CUL2: variants seen among roughly 807,000 people sequenced by gnomAD.
The protein encoded by CUL2 is cullin 2.
CUL2 carries 22 observed loss-of-function variants against 110.2 expected under a neutral mutation model. The ratio of observed to expected loss-of-function variants is 0.20; its 90% CI spans 0.14 to 0.28. CUL2 has a LOEUF of 0.28. CUL2 is among the 10% of genes least tolerant of loss of function. The pLI is 1.00. For missense variants in CUL2, 631 were observed against 905.5 expected, an observed-to-expected ratio of 0.70 and a Z score of 3.89; for synonymous variants, 279 against 293.2, an observed-to-expected ratio of 0.95 and a Z score of 0.49.
At chr10:35,103,948 A>C (rs2087421831) in intron 1 of CUL2, among the ~76,000 whole-genome samples, 1 of 152,344 alleles carries the variant, frequency 6.6e-6, no homozygotes, top group Non-Finnish European at 1.5e-5. Context: ...AGAATGTAAA[A>C]ATGCAAATAA....
At chr10:35,094,528 C>T (rs974081597), upstream of CUL2, among the ~76,000 whole-genome samples, 3 of 152,160 alleles carry the variant, frequency 2.0e-5, no homozygotes, top group Non-Finnish European at 2.9e-5. Context: ...AGCCACTGCA[C>T]CCAGCTAGAG....
intron 6 of CUL2, among the ~76,000 whole-genome samples, chr10:35,048,513 T>C (rs2086009270): frequency 6.6e-6 from 1 of 152,250 alleles, no homozygotes; most frequent in South Asian, 2.1e-4. Flanking sequence ...ATTGTCATTA[T>C]ACTTTTAAAT....
chr10:35,046,176 A>G (rs1242668947), intron 6 of CUL2, among the ~76,000 whole-genome samples: 1 of 152,194 alleles, frequency 6.6e-6, no homozygotes, highest in East Asian at 1.9e-4. Context: ...GAGAATCTTG[A>G]TATCTTGATA....
chr10:35,088,849 C>T lies in CUL2; in HGVS notation c.-23+1330G>A, dbSNP rs115774244. 7.9e-3 allele frequency among the ~76,000 whole-genome samples: 1,206 copies of T among 152,240 alleles called. 21 individuals are homozygous for T. Among genetic ancestry groups the T allele is most frequent in the African/African-American group, 0.027 (1,132 of 41,530 alleles). On this transcript the variant is annotated intron_variant, in intron 1 of 20. Coordinates refer to ENST00000374749, the MANE Select transcript of CUL2 (RefSeq NM_003591.4). ...GCACATTGTAGAAATGTTCCCCCAA[C>T]TCATAAACAGCAATTGAAAAAAACA...
chr10:35,024,503 CAA>C (rs895349918), intron 17 of CUL2, among the ~76,000 whole-genome samples: 16 of 151,914 alleles, frequency 1.1e-4, no homozygotes, highest in Non-Finnish European at 1.2e-4. Context: ...CATAGTTTAG[CAA>C]AAAAAGAGAA....
intron 12 of CUL2, 55 bp downstream of exon 12, chr10:35,032,380 C>T: frequency 7.0e-7 from 1 of 1,428,156 alleles, no homozygotes; most frequent in Non-Finnish European, 9.6e-7. Context: ...TCTGAGTTCT[C>T]ATTTTCTAAT....
chr10:35,050,861 T>C (rs952692965), intron 5 of CUL2, among the ~76,000 whole-genome samples: 1 of 152,266 alleles, frequency 6.6e-6, no homozygotes, highest in African/African-American at 2.4e-5. Flanking sequence ...GATCCTGTAC[T>C]GAACAATCAA....
chr10:35,064,087 C>A (rs2086456894), intron 2 of CUL2: 1 of 152,168 alleles, frequency 6.6e-6, no homozygotes, highest in African/African-American at 2.4e-5. Flanking sequence ...ATGACCACCA[C>A]CAAGTGTCTC....
chr10:35,063,542 A>G (rs2086437827), intron 2 of CUL2, among the ~76,000 whole-genome samples: 1 of 152,226 alleles, frequency 6.6e-6, no homozygotes, highest in Admixed American at 6.5e-5. Context: ...ACATCATAGC[A>G]GTCAGGATAC....
At chr10:35,069,592 G>A (rs1256181508) in intron 2 of CUL2, among the ~76,000 whole-genome samples, 1 of 151,410 alleles carries the variant, frequency 6.6e-6, no homozygotes. Flanking sequence ...ATATTAGATG[G>A]ACCAAACAAA....
intron 1 of CUL2, among the ~76,000 whole-genome samples, chr10:35,120,855 C>T (rs1349094172): frequency 6.6e-6 from 1 of 152,016 alleles, no homozygotes; most frequent in Non-Finnish European, 1.5e-5. Context: ...AAGATCATGC[C>T]ACTGCAATCC....
At chr10:35,021,720 C>T (rs919247905) in intron 17 of CUL2, among the ~76,000 whole-genome samples, 2 of 151,138 alleles carry the variant, frequency 1.3e-5, no homozygotes, top group African/African-American at 2.4e-5. Flanking sequence ...GCTGGGACTA[C>T]AGGGATCTCT....
intron 9 of CUL2, 132 bp downstream of exon 9, chr10:35,038,785 TTAA>T (rs2085700223): frequency 3.8e-6 from 2 of 531,064 alleles, no homozygotes; most frequent in Non-Finnish European, 6.3e-6. Context: ...AAATAAAGTA[TTAA>T]TAATCTGTAA....
intron 1 of CUL2, chr10:35,119,959 A>T (rs1013604645): frequency 6.6e-6 from 1 of 152,162 alleles, no homozygotes; most frequent in African/African-American, 2.4e-5. Flanking sequence ...TTGGCTCCAC[A>T]CATTAATATT....
chr10:35,052,328 G>A (rs1357426808), intron 5 of CUL2, among the ~76,000 whole-genome samples: 1 of 152,166 alleles, frequency 6.6e-6, no homozygotes, highest in African/African-American at 2.4e-5. Context: ...TGGTGGAAGG[G>A]CAAACTGGTA....
intron 1 of CUL2, chr10:35,079,495 T>C (rs1275931676): frequency 6.6e-6 from 1 of 152,668 alleles, no homozygotes; most frequent in Non-Finnish European, 1.5e-5. Context: ...AAGTGGAACT[T>C]GTCTCTGCTC....
At chr10:35,068,102 T>C (rs1589028712) in intron 2 of CUL2, among the ~76,000 whole-genome samples, 1 of 118,062 alleles carries the variant, frequency 8.5e-6, no homozygotes, top group Admixed American at 9.5e-5. Flanking sequence ...AGAGCGAGAC[T>C]CCGTCTCAAA....
intron 20 of CUL2, 59 bp downstream of exon 20, chr10:35,011,789 A>G (rs1238471063): frequency 1.2e-6 from 1 of 824,046 alleles, no homozygotes; most frequent in East Asian, 2.5e-5. Context: ...AAGAGACTGA[A>G]TCTGTACAAT....
chr10:35,056,529 C>A (rs1310014077), intron 4 of CUL2, among the ~76,000 whole-genome samples: 2 of 152,054 alleles, frequency 1.3e-5, no homozygotes, highest in Non-Finnish European at 2.9e-5. Context: ...GCAGGGCTGG[C>A]ACAGAAACTC....
Sources: allele counts gnomAD v4.1 joint callset (sites outside exome capture counted in the v4.1 genomes callset), GRCh38; gene constraint gnomAD v4.1.1; transcripts MANE v1.5; gene names NCBI Gene and HGNC (gene_info 2026-07-23, HGNC 2026-07-21).